KCNU1: variants seen among roughly 807,000 people sequenced by gnomAD.
KCNU1 encodes the protein potassium channel subfamily U member 1.
In KCNU1, 93 loss-of-function variants were observed where a neutral mutation model predicts 126.8. The observed-to-expected ratio is 0.73, with a 90% CI of 0.62 to 0.87. KCNU1 has a LOEUF of 0.87. Among genes scored for constraint, KCNU1 ranks in the 40% least tolerant of loss-of-function variants. KCNU1 has a pLI of 0.00. For missense variants in KCNU1, 1,330 were observed against 1,367.1 expected, an observed-to-expected ratio of 0.97 and a Z score of 0.43; for synonymous variants, 523 against 494.2, an observed-to-expected ratio of 1.06 and a Z score of -0.77.
At chr8:36,824,456 GTTA>G (rs1804242929) in intron 10 of KCNU1, among the ~76,000 whole-genome samples, 2 of 152,072 alleles carry the variant, frequency 1.3e-5, no homozygotes, top group South Asian at 4.1e-4. Context: ...TAAATTAAAT[GTTA>G]TTATAGGCAT....
At chr8:36,801,037 A>C (rs1274159491) in intron 2 of KCNU1, among the ~76,000 whole-genome samples, 1 of 152,202 alleles carries the variant, frequency 6.6e-6, no homozygotes, top group Non-Finnish European at 1.5e-5. Context: ...AATTTGAACC[A>C]TATTAGCCAC....
At chr8:36,801,483 T>G (rs7016533) in intron 2 of KCNU1, among the ~76,000 whole-genome samples, 35,954 of 151,114 alleles carry the variant, frequency 0.24, 5,068 homozygotes, top group African/African-American at 0.38. Flanking sequence ...TTTCCATGGG[T>G]TGGGGGGGTT....
intron 10 of KCNU1, among the ~76,000 whole-genome samples, chr8:36,832,793 T>G (rs890792169): frequency 6.6e-6 from 1 of 152,094 alleles, no homozygotes; most frequent in African/African-American, 2.4e-5. Flanking sequence ...TTCTAATACA[T>G]CTCCAAAGCT....
Position 36,833,635 on chromosome 8 carries a change from G to A in KCNU1, c.1188G>A (p.Lys396=), listed in dbSNP as rs771108450. ...YTTFISGSAM[K]WEDLRRVAVE... ...CGTTCATTTCTGGATCTGCAATGAA[G>A]TGGGAGGATCTGAGGCGAGTTGCGG... is the stretch of plus-strand genomic sequence containing the variant. The change falls in exon 11 of 27, where the codon AAG becomes AAA. Residue 396 remains lysine, a synonymous_variant. Coordinates refer to ENST00000399881, the MANE Select transcript of KCNU1 (RefSeq NM_001031836.3). 50 of 1,610,428 alleles carry A rather than the reference G, an allele frequency of 3.1e-5. No individual in the cohort carries two copies. Among genetic ancestry groups the A allele is most frequent in the Non-Finnish European group, 4.1e-5 (48 of 1,177,096 alleles).
At chr8:36,830,857 A>G (rs1206141582) in intron 10 of KCNU1, among the ~76,000 whole-genome samples, 62 of 148,832 alleles carry the variant, frequency 4.2e-4, no homozygotes, top group African/African-American at 5.0e-4. Context: ...CGCTGCACCC[A>G]CTAACTCGTC....
intron 23 of KCNU1, among the ~76,000 whole-genome samples, chr8:36,919,869 G>C (rs1444774739): frequency 2.6e-5 from 4 of 152,200 alleles, no homozygotes; most frequent in Non-Finnish European, 5.9e-5. Context: ...ACAAAGCAGG[G>C]GAACTTAGAG....
At chr8:36,900,545 A>G (rs539613001) in intron 19 of KCNU1, among the ~76,000 whole-genome samples, 1 of 152,158 alleles carries the variant, frequency 6.6e-6, no homozygotes, top group South Asian at 2.1e-4. Context: ...TGATTATGTA[A>G]CCTGCCCTTA....
intron 10 of KCNU1, among the ~76,000 whole-genome samples, chr8:36,825,649 T>C (rs555914101): frequency 3.3e-5 from 5 of 152,206 alleles, no homozygotes; most frequent in African/African-American, 1.2e-4. Flanking sequence ...ACCTGAATAA[T>C]GTACATTGTA....
At chr8:36,862,172 G>A (rs1375242367) in intron 18 of KCNU1, among the ~76,000 whole-genome samples, 2 of 151,772 alleles carry the variant, frequency 1.3e-5, no homozygotes, top group East Asian at 1.9e-4. Flanking sequence ...GTTAGCTATA[G>A]GTAGGTAGGT....
At chr8:36,859,910 G>C (rs1805667177) in intron 18 of KCNU1, among the ~76,000 whole-genome samples, 1 of 152,124 alleles carries the variant, frequency 6.6e-6, no homozygotes, top group African/African-American at 2.4e-5. Flanking sequence ...AAAGCATTAA[G>C]CCTAGTGGCT....
chr8:36,817,684 A>C lies in KCNU1; in HGVS notation c.1030A>C (p.Ser344Arg). Residue 344 changes from serine to arginine, a missense_variant, in exon 10 of 27, where the codon AGT becomes CGT. By Grantham distance (110) the Ser-to-Arg change is moderately radical (BLOSUM62 -1). This residue lies in a region of KCNU1 where 1,054 missense variants were observed against 1,053.9 expected (regional missense o/e 1.00). Transcript: ENST00000399881. ...GGTCTGTGGAAACATCACTGTGGAC[A>C]GTGTGACCGCTTTCCTGAGGAATTT... ...IVVCGNITVD[S>R]VTAFLRNFLR... 6.2e-7 allele frequency: 1 copy of C among 1,612,726 alleles called. No homozygotes were observed. Among genetic ancestry groups the C allele is most frequent in the Non-Finnish European group, 8.5e-7 (1 of 1,178,824 alleles).
At chr8:36,915,266 A>G (rs1242135787) in intron 22 of KCNU1, among the ~76,000 whole-genome samples, 1 of 152,228 alleles carries the variant, frequency 6.6e-6, no homozygotes, top group Non-Finnish European at 1.5e-5. Flanking sequence ...AACCTTGTAT[A>G]TTGTAATAGG....
chr8:36,926,766 G>A (rs1024763493), intron 24 of KCNU1, among the ~76,000 whole-genome samples: 8 of 152,082 alleles, frequency 5.3e-5, no homozygotes, highest in Admixed American at 4.6e-4. Context: ...TTAATGCACT[G>A]AGAGATCTGC....
Position 36,806,382 on chromosome 8 carries a change from T to A in KCNU1, c.580+2T>A. ...ATTATTTGAAGAGCAATTGGCTAGG[T>A]AAGTGTGCTCTGGGAACGGGTAGCA... On this transcript the variant is annotated splice_donor_variant, in intron 5 of 26. Transcript: ENST00000399881. LOFTEE classifies it high-confidence loss of function. 6.6e-7 allele frequency: 1 copy of A among 1,516,984 alleles called. No homozygotes were observed. 94.0% of individuals were successfully genotyped at this position (1,516,984 alleles called of 1,614,324 possible).
chr8:36,831,980 G>A (rs926582702), intron 10 of KCNU1, among the ~76,000 whole-genome samples: 3 of 152,172 alleles, frequency 2.0e-5, no homozygotes, highest in African/African-American at 7.2e-5. Context: ...TCTACATATG[G>A]CTAGCCAGTT....
intron 7 of KCNU1, among the ~76,000 whole-genome samples, chr8:36,813,126 G>A (rs1027924179): frequency 7.9e-5 from 12 of 152,110 alleles, no homozygotes; most frequent in African/African-American, 2.2e-4. Flanking sequence ...AACAGTATCC[G>A]CTATCAGCCA....
At chr8:36,904,086 G>T (rs956234539) in intron 19 of KCNU1, among the ~76,000 whole-genome samples, 1 of 152,072 alleles carries the variant, frequency 6.6e-6, no homozygotes, top group Non-Finnish European at 1.5e-5. Context: ...CTCAAACTTT[G>T]GTTACTCCTA....
intron 9 of KCNU1, among the ~76,000 whole-genome samples, chr8:36,816,158 C>T (rs1435629058): frequency 2.6e-5 from 4 of 152,132 alleles, no homozygotes; most frequent in South Asian, 2.1e-4. Flanking sequence ...GGCTCATTTA[C>T]GGATGAGGAT....
rs530188908 is a variant in KCNU1 at position 36,802,580 on chromosome 8, A to C, written c.316-1447A>C. Among the ~76,000 whole-genome samples, 4 of 152,226 alleles carry C rather than the reference A, an allele frequency of 2.6e-5. No individual in the cohort carries two copies. In the East Asian group the frequency reaches 7.7e-4, roughly 29 times the overall value. Reference sequence around the variant, plus strand: ...CCAGCTGAATGGGGAATCTGGGAGGATAATAGTTCCAGCAGAAAATAGGAG... The same window carrying C: ...CCAGCTGAATGGGGAATCTGGGAGGCTAATAGTTCCAGCAGAAAATAGGAG... On this transcript the variant is annotated intron_variant, in intron 2 of 26. Coordinates refer to ENST00000399881, the MANE Select transcript of KCNU1 (RefSeq NM_001031836.3).
Sources: gnomAD v4.1 joint callset for allele counts (sites outside exome capture counted in the v4.1 genomes callset) on GRCh38, gnomAD v4.1.1 for gene constraint, gnomAD v4.1.1 regional missense constraint, MANE v1.5 for transcripts, NCBI Gene and HGNC (gene_info 2026-07-23, HGNC 2026-07-21) for gene names.